MAP4: variants seen among roughly 807,000 people sequenced by gnomAD.
The protein encoded by MAP4 is microtubule-associated protein 4.
Under a neutral mutation model 170.2 loss-of-function variants are expected in MAP4, and 76 were observed. The observed-to-expected ratio is 0.45, with a 90% CI of 0.37 to 0.54. The LOEUF (loss-of-function observed/expected upper bound fraction) is 0.54, where lower values mean the gene tolerates loss of function less well. MAP4 is among the 20% of genes least tolerant of loss of function. MAP4 has a pLI of 0.00. For missense variants in MAP4, 2,506 were observed against 2,748.0 expected, an observed-to-expected ratio of 0.91 and a Z score of 1.97; for synonymous variants, 909 against 994.5, an observed-to-expected ratio of 0.91 and a Z score of 1.62.
intron 1 of MAP4, among the ~76,000 whole-genome samples, chr3:48,002,235 TA>T (rs1436441791): frequency 7.1e-6 from 1 of 140,114 alleles, no homozygotes; most frequent in African/African-American, 2.8e-5. Flanking sequence ...AGCAAGACTC[TA>T]GTCTCAAAAA....
chr3:48,057,274 C>T (rs1325300370), intron 1 of MAP4, among the ~76,000 whole-genome samples: 1 of 133,602 alleles, frequency 7.5e-6, no homozygotes, highest in African/African-American at 2.8e-5. Flanking sequence ...AAGAAAAATT[C>T]CTCTGCCTTG....
chr3:48,013,694 T>C (rs2100106459), intron 1 of MAP4, among the ~76,000 whole-genome samples: 1 of 143,326 alleles, frequency 7.0e-6, no homozygotes, highest in Admixed American at 7.3e-5. Context: ...CATTTATAAT[T>C]GGGTTGAGGT....
At chr3:47,923,728 A>T (rs1335507312) in intron 4 of MAP4, among the ~76,000 whole-genome samples, 1 of 151,852 alleles carries the variant, frequency 6.6e-6, no homozygotes, top group Admixed American at 6.6e-5. Context: ...AGGTGGGAGG[A>T]TCACTTGAGC....
At position 47,976,942 on chromosome 3, in the gene MAP4, A is replaced by G. The variant is rs191649794; in HGVS notation, c.292+923T>C. 2.0e-4 allele frequency among the ~76,000 whole-genome samples: 30 copies of G among 152,332 alleles called. No individual in the cohort carries two copies. In the East Asian group the frequency reaches 5.8e-3, roughly 29 times the overall value. Reference sequence around the variant, plus strand: ...TTTCTGGAAGCCTTAGAAAAAGAGAAATACTGTGGTGCCTCACAGAAGGGC... The same window carrying G: ...TTTCTGGAAGCCTTAGAAAAAGAGAGATACTGTGGTGCCTCACAGAAGGGC... On this transcript the variant is annotated intron_variant, in intron 3 of 20. Coordinates refer to ENST00000683076, the MANE Select transcript of MAP4 (RefSeq NM_001385682.1).
chr3:47,939,059 C>T (rs2100054746), intron 3 of MAP4, among the ~76,000 whole-genome samples: 1 of 152,206 alleles, frequency 6.6e-6, no homozygotes, highest in Non-Finnish European at 1.5e-5. Flanking sequence ...AGAGCCTGTG[C>T]TCCACTCTGC....
chr3:48,077,567 T>C (rs535862458), intron 1 of MAP4, among the ~76,000 whole-genome samples: 1 of 151,246 alleles, frequency 6.6e-6, no homozygotes, highest in African/African-American at 2.4e-5. Context: ...CTTGAATTGC[T>C]GGGCTCAAGC....
intron 3 of MAP4, among the ~76,000 whole-genome samples, chr3:47,951,378 C>G (rs1025070674): frequency 5.3e-5 from 8 of 152,140 alleles, no homozygotes; most frequent in Non-Finnish European, 1.2e-4. Flanking sequence ...CCTCTCTTTC[C>G]ACGGTCTCCC....
At position 47,850,735 on chromosome 3, in the gene MAP4, C is replaced by T. The variant is rs761332388; in HGVS notation, c.*2199G>A. 6.5e-6 allele frequency: 1 copy of T among 153,670 alleles called. No individual in the cohort carries two copies. Among genetic ancestry groups the T allele is most frequent in the African/African-American group, 2.4e-5 (1 of 41,452 alleles). The allele number at this position is 153,670 out of a possible 1,614,324, so 9.5% of individuals were successfully genotyped here. On this transcript the variant is annotated 3_prime_UTR_variant, in exon 21 of 21. Coordinates refer to ENST00000683076, the MANE Select transcript of MAP4 (RefSeq NM_001385682.1). ...CAGCTTTATTTATTTACTCTTAAAA[C>T]TGTTACAACAGAATCATGGACTGAC...
chr3:47,932,317 T>C (rs1318591092), intron 3 of MAP4, among the ~76,000 whole-genome samples: 1 of 139,048 alleles, frequency 7.2e-6, no homozygotes, highest in Admixed American at 7.1e-5. Context: ...CCACACTTTG[T>C]TTATCCATTA....
chr3:48,019,320 C>G (rs576440462), upstream of MAP4, among the ~76,000 whole-genome samples: 3 of 151,536 alleles, frequency 2.0e-5, no homozygotes, highest in African/African-American at 7.3e-5. Flanking sequence ...CCAGTCTGGG[C>G]GAGAAAGTGA....
At chr3:47,941,903 G>A (rs2100056745) in intron 3 of MAP4, among the ~76,000 whole-genome samples, 1 of 151,854 alleles carries the variant, frequency 6.6e-6, no homozygotes, top group Admixed American at 6.6e-5. Context: ...AATGAGATAA[G>A]TATTTTTCAG....
chr3:47,989,377 C>T (rs1370263976), intron 2 of MAP4, among the ~76,000 whole-genome samples: 2 of 152,134 alleles, frequency 1.3e-5, no homozygotes, highest in African/African-American at 4.8e-5. Flanking sequence ...TAAGCTTCAC[C>T]TGGGAAGTGG....
chr3:47,973,041 A>G, intron 3 of MAP4: 1 of 985,260 alleles, frequency 1.0e-6, no homozygotes, highest in Non-Finnish European at 1.2e-6. Context: ...TAGTAACATT[A>G]TATTTCAACA....
At chr3:48,088,605 G>A (rs1198846341) in intron 1 of MAP4, among the ~76,000 whole-genome samples, 1 of 151,622 alleles carries the variant, frequency 6.6e-6, no homozygotes, top group Non-Finnish European at 1.5e-5. Context: ...CCCCCGCCTG[G>A]CCCCCTCCCT....
At chr3:47,935,160 A>G (rs2100052001) in intron 3 of MAP4, among the ~76,000 whole-genome samples, 1 of 152,250 alleles carries the variant, frequency 6.6e-6, no homozygotes. Flanking sequence ...ACAATGCAGT[A>G]AGTGCTACTT....
In MAP4 at chr3:47,855,788, G is replaced by C. The variant is rs1230900148; in HGVS notation, c.6584-428C>G. On this transcript the variant is annotated intron_variant, in intron 18 of 20. Coordinates refer to ENST00000683076, the MANE Select transcript of MAP4 (RefSeq NM_001385682.1). This position sits in a 1 kb window ranked among gnomAD's most constrained non-coding sequence, Gnocchi z 5.1. ...ATGAATGCCCTGTCATCACGGCCACGGTCCCTGCTTCCCAGCCGGTAAAAC... is the reference window on the plus strand; with the variant it reads ...ATGAATGCCCTGTCATCACGGCCACCGTCCCTGCTTCCCAGCCGGTAAAAC... Among the ~76,000 whole-genome samples, 2 of 152,144 alleles carry C rather than the reference G, an allele frequency of 1.3e-5. No individual in the cohort carries two copies. The highest frequency in any genetic ancestry group is 2.4e-5 in the African/African-American group (1 of 41,434).
chr3:47,864,672 G>T (rs180789530), intron 17 of MAP4, among the ~76,000 whole-genome samples: 47 of 151,858 alleles, frequency 3.1e-4, no homozygotes, highest in African/African-American at 9.4e-4. Context: ...TCGAGACTCC[G>T]TCTCAAAAAT....
intron 12 of MAP4, among the ~76,000 whole-genome samples, chr3:47,874,546 G>C (rs1438138455): frequency 2.6e-5 from 4 of 152,092 alleles, no homozygotes; most frequent in Non-Finnish European, 4.4e-5. Context: ...GATTATTATA[G>C]AGTGAAATTT....
At chr3:48,019,057 G>A (rs558610432), upstream of MAP4, among the ~76,000 whole-genome samples, 1 of 152,324 alleles carries the variant, frequency 6.6e-6, no homozygotes, top group South Asian at 2.1e-4. Context: ...CCAGTTACTG[G>A]CCTGGCATGG....
Sources: allele counts gnomAD v4.1 joint callset (sites outside exome capture counted in the v4.1 genomes callset), GRCh38; gene constraint gnomAD v4.1.1; non-coding constraint Gnocchi (gnomAD v3.1); transcripts MANE v1.5; gene names NCBI Gene and HGNC (gene_info 2026-07-23, HGNC 2026-07-21).